The following ADAMTS3 variants were observed in gnomAD, a reference collection of about 807,000 sequenced individuals.
ADAMTS3 encodes ADAM metallopeptidase with thrombospondin type 1 motif 3.
In ADAMTS3, 73 loss-of-function variants were observed where a neutral mutation model predicts 129.0. The observed-to-expected ratio is 0.57, with a 90% confidence interval of 0.47 to 0.69. ADAMTS3 has a LOEUF of 0.69. Among genes scored for constraint, ADAMTS3 ranks in the 30% least tolerant of loss-of-function variants. The pLI, the probability that ADAMTS3 is intolerant of heterozygous loss-of-function variation, is 0.00. For missense variants in ADAMTS3, 1,457 were observed against 1,514.5 expected (o/e 0.96, Z 0.63); for synonymous variants, 477 against 510.8 (o/e 0.93, Z 0.89).
At chr4:72,470,468 A>G (rs999537346) in intron 3 of ADAMTS3, among the ~76,000 whole-genome samples, 3 of 150,846 alleles carry the variant, frequency 2.0e-5, no homozygotes, top group Non-Finnish European at 4.4e-5. Context: ...ATATATACAT[A>G]TTATGAGTAT....
At chr4:72,410,404 C>G (rs977861964) in intron 4 of ADAMTS3, among the ~76,000 whole-genome samples, 1 of 152,032 alleles carries the variant, frequency 6.6e-6, no homozygotes, top group Non-Finnish European at 1.5e-5. Flanking sequence ...AAATGAAAAT[C>G]CTGAAAGGAA....
At chr4:72,364,488 G>A (rs1051927692) in intron 4 of ADAMTS3, among the ~76,000 whole-genome samples, 14 of 152,000 alleles carry the variant, frequency 9.2e-5, no homozygotes, top group East Asian at 1.9e-4. Flanking sequence ...GGTGGCACAC[G>A]CCTGTAATCC....
At chr4:72,456,436 C>T (rs1170204413) in intron 3 of ADAMTS3, among the ~76,000 whole-genome samples, 1 of 140,136 alleles carries the variant, frequency 7.1e-6, no homozygotes, top group African/African-American at 2.7e-5. Flanking sequence ...ATATATAGTT[C>T]TATTCACTTC....
At chr4:72,455,453 A>C (rs1181221148) in intron 3 of ADAMTS3, among the ~76,000 whole-genome samples, 2 of 151,406 alleles carry the variant, frequency 1.3e-5, no homozygotes, top group African/African-American at 2.4e-5. Flanking sequence ...GGAGGGGAAC[A>C]TCACGCACCA....
chr4:72,562,626 G>T (rs1721929307), intron 2 of ADAMTS3, among the ~76,000 whole-genome samples: 1 of 152,000 alleles, frequency 6.6e-6, no homozygotes, highest in Admixed American at 6.6e-5. Context: ...GTTTGAATAA[G>T]AACATGCTAA....
At chr4:72,515,362 G>T (rs1720438771) in intron 3 of ADAMTS3, among the ~76,000 whole-genome samples, 1 of 151,508 alleles carries the variant, frequency 6.6e-6, no homozygotes, top group Non-Finnish European at 1.5e-5. Flanking sequence ...GTAATGGGAT[G>T]GCTGGGTCAA....
chr4:72,424,815 G>A (rs1722530000), intron 3 of ADAMTS3, among the ~76,000 whole-genome samples: 1 of 152,084 alleles, frequency 6.6e-6, no homozygotes, highest in Non-Finnish European at 1.5e-5. Flanking sequence ...AGAAAACTCA[G>A]AGTCAAATCT....
chr4:72,548,039 T>C (rs1243766616), intron 3 of ADAMTS3, among the ~76,000 whole-genome samples: 2 of 152,188 alleles, frequency 1.3e-5, no homozygotes, highest in African/African-American at 2.4e-5. Flanking sequence ...ATTAGAATTC[T>C]GTGAGGAAGC....
At chr4:72,385,431 G>A (rs926616624) in intron 4 of ADAMTS3, among the ~76,000 whole-genome samples, 2 of 151,916 alleles carry the variant, frequency 1.3e-5, no homozygotes, top group South Asian at 2.1e-4. Context: ...ACACAGGTAC[G>A]AAGAGCAGGT....
At chr4:72,357,885 G>A (rs1720622407) in intron 4 of ADAMTS3, among the ~76,000 whole-genome samples, 1 of 151,904 alleles carries the variant, frequency 6.6e-6, no homozygotes, top group Non-Finnish European at 1.5e-5. Context: ...GGCTTTGTTT[G>A]ATACATGAGG....
intron 3 of ADAMTS3, among the ~76,000 whole-genome samples, chr4:72,451,037 T>A (rs374597009): frequency 7.4e-6 from 1 of 134,342 alleles, no homozygotes; most frequent in Non-Finnish European, 1.6e-5. Context: ...CAGATAAGAA[T>A]ATCCTTAACA....
chr4:72,484,998 G>A (rs1163463811), intron 3 of ADAMTS3, among the ~76,000 whole-genome samples: 4 of 151,996 alleles, frequency 2.6e-5, no homozygotes, highest in African/African-American at 9.7e-5. Context: ...AAAATGGTGT[G>A]TAAAATGTCA....
In ADAMTS3 at chr4:72,281,812, C is replaced by G. The variant is rs1718351500; in HGVS notation, c.*1324G>C. On this transcript the variant is annotated 3_prime_UTR_variant, in exon 22 of 22. Coordinates refer to ENST00000286657, the MANE Select transcript of ADAMTS3 (RefSeq NM_014243.3). ...AATATTTAGTACATAAAAATACTAT[C>G]AAGAAAAAAAATCAACTTTTAATAA... 8.2e-5 allele frequency: 2 copies of G among 24,260 alleles called. No individual in the cohort carries two copies. The highest frequency in any genetic ancestry group is 9.5e-4 in the Admixed American group (2 of 2,102). The allele number at this position is 24,260 out of a possible 1,614,324, so 1.5% of individuals were successfully genotyped here. A position where few individuals can be genotyped will look rare whatever the true frequency, so the allele number is the denominator to read the frequency against.
chr4:72,390,744 C>T (rs1257662799), intron 4 of ADAMTS3, among the ~76,000 whole-genome samples: 2 of 152,098 alleles, frequency 1.3e-5, no homozygotes, highest in Non-Finnish European at 2.9e-5. Flanking sequence ...AAACACCTGT[C>T]TGGGAAAGCG....
intron 3 of ADAMTS3, among the ~76,000 whole-genome samples, chr4:72,438,428 G>A (rs1718027600): frequency 6.6e-6 from 1 of 151,772 alleles, no homozygotes; most frequent in East Asian, 2.0e-4. Context: ...CCATTACATG[G>A]TAAAATAACT....
At chr4:72,382,764 A>G (rs6831151) in intron 4 of ADAMTS3, among the ~76,000 whole-genome samples, 22,308 of 152,114 alleles carry the variant, frequency 0.15, 3,047 homozygotes, top group African/African-American at 0.31. Flanking sequence ...TATCCTAAGT[A>G]AAACAACTCA....
Position 72,309,533 on chromosome 4 carries a change from G to GAT in ADAMTS3, c.2056-15_2056-14dup. 1 of 1,610,428 alleles carries GAT rather than the reference G, an allele frequency of 6.2e-7. No individual in the cohort carries two copies. The highest frequency in any genetic ancestry group is 2.2e-5 in the East Asian group (1 of 44,742). ...CACAGCCCACTTTCTGGAGAGAGAA[G>GAT]ATGTCAAATGTGGCTAATTTTAGTG... On this transcript the variant is annotated splice_polypyrimidine_tract_variant and intron_variant, in intron 14 of 21. Coordinates refer to ENST00000286657, the MANE Select transcript of ADAMTS3 (RefSeq NM_014243.3).
intron 3 of ADAMTS3, among the ~76,000 whole-genome samples, chr4:72,501,562 A>C (rs1016987611): frequency 6.6e-6 from 1 of 152,102 alleles, no homozygotes; most frequent in African/African-American, 2.4e-5. Flanking sequence ...TATCATGAGC[A>C]AAGAGAGATA....
intron 4 of ADAMTS3, among the ~76,000 whole-genome samples, chr4:72,379,665 G>C (rs1204511466): frequency 6.6e-6 from 1 of 151,838 alleles, no homozygotes; most frequent in Admixed American, 6.6e-5. Flanking sequence ...TGTAATTCTG[G>C]GACATCTGTA....
Sources: allele counts gnomAD v4.1 joint callset (sites outside exome capture counted in the v4.1 genomes callset), GRCh38; gene constraint gnomAD v4.1.1; transcripts MANE v1.5; gene names NCBI Gene and HGNC (gene_info 2026-07-23, HGNC 2026-07-21).